ST7L: variants seen among roughly 807,000 people sequenced by gnomAD.
ST7L encodes the protein suppression of tumorigenicity 7 like, also known as suppressor of tumorigenicity 7 protein-like.
ST7L carries 57 observed loss-of-function variants against 72.5 expected under a neutral mutation model. The observed-to-expected ratio is 0.79, with a 90% CI of 0.64 to 0.98. The LOEUF (loss-of-function observed/expected upper bound fraction) is 0.98, where lower values mean the gene tolerates loss of function less well. Ranked by LOEUF, ST7L falls within the 50% of genes least tolerant of loss-of-function variation. The probability of loss-of-function intolerance (pLI) is 0.00; values close to 1 mark genes in which losing one functional copy is unlikely to be tolerated. For missense variants in ST7L, 576 were observed against 672.2 expected, an observed-to-expected ratio of 0.86 and a Z score of 1.58; for synonymous variants, 221 against 240.9, an observed-to-expected ratio of 0.92 and a Z score of 0.77.
intron 4 of ST7L, 38 bp from the exon 5 acceptor site, chr1:112,598,124 G>T: frequency 1.4e-6 from 2 of 1,467,052 alleles, no homozygotes; most frequent in East Asian, 2.3e-5. Flanking sequence ...AATTGAACAT[G>T]AGAGAGCATC....
chr1:112,574,122 G>T (rs1225973032), intron 11 of ST7L, among the ~76,000 whole-genome samples: 1 of 149,354 alleles, frequency 6.7e-6, no homozygotes, highest in African/African-American at 2.5e-5. Context: ...TCACCATGCT[G>T]CCCTGGGTGG....
At chr1:112,561,960 A>C (rs1660229581) in intron 11 of ST7L, among the ~76,000 whole-genome samples, 1 of 149,616 alleles carries the variant, frequency 6.7e-6, no homozygotes, top group South Asian at 2.1e-4. Flanking sequence ...GATGCTTCTA[A>C]AACTTTACTT....
chr1:112,579,380 TA>T (rs34252016), intron 9 of ST7L, among the ~76,000 whole-genome samples: 53,498 of 96,116 alleles, frequency 0.56, 12,682 homozygotes, highest in Middle Eastern at 0.67. Context: ...CGAGACTCTG[TA>T]AAAAAAAAAA....
chr1:112,591,676 G>A (rs1665747840), intron 5 of ST7L, 73 bp from the exon 6 acceptor site: 1 of 1,133,710 alleles, frequency 8.8e-7, no homozygotes, highest in East Asian at 2.5e-5. Context: ...GAATAAGGTA[G>A]TGGAGTAAGC....
intron 9 of ST7L, 103 bp downstream of exon 9, chr1:112,581,889 G>T: frequency 1.2e-6 from 1 of 836,140 alleles, no homozygotes; most frequent in Non-Finnish European, 1.9e-6. Flanking sequence ...ATACTGACTG[G>T]TAAGAACAGA....
chr1:112,611,969 C>CAAA (rs146893029), intron 2 of ST7L, among the ~76,000 whole-genome samples: 12 of 71,538 alleles, frequency 1.7e-4, no homozygotes, highest in South Asian at 1.1e-3. Context: ...GACCCTGTCT[C>CAAA]AAAAAAAAAA....
chr1:112,595,029 T>C (rs566734526), intron 5 of ST7L, among the ~76,000 whole-genome samples: 7 of 152,024 alleles, frequency 4.6e-5, no homozygotes, highest in Non-Finnish European at 8.8e-5. Flanking sequence ...GCAAAACAGA[T>C]ATGTGTTCAA....
At position 112,546,371 on chromosome 1, in the gene ST7L, C is replaced by A. The variant is rs555245815; in HGVS notation, c.1489+4230G>T. ...GAAAAAGTGGGATTGAGATATTATT[C>A]ATTCTGTATTGTCTGCCTGAACTCA... On this transcript the variant is annotated intron_variant, in intron 13 of 14. Transcript: ENST00000358039. Among the ~76,000 whole-genome samples the A allele has an allele frequency of 2.0e-5, 3 of 148,650 alleles. No individual in the cohort carries two copies. The South Asian group carries it at 6.5e-4, about 32-fold the overall frequency.
At chr1:112,521,817 T>A (rs1329888129), downstream of ST7L, 1 of 152,338 alleles carries the variant, frequency 6.6e-6, no homozygotes, top group South Asian at 2.1e-4. Flanking sequence ...CAAAACTTGA[T>A]GTCCTATTTT....
At chr1:112,519,393 T>A (rs900988899), downstream of ST7L, among the ~76,000 whole-genome samples, 5 of 152,206 alleles carry the variant, frequency 3.3e-5, no homozygotes, top group Non-Finnish European at 7.4e-5. Flanking sequence ...CTATTCTCCG[T>A]TTTGAACCTA....
At chr1:112,521,050 G>C (rs1482784389), downstream of ST7L, 1 of 155,574 alleles carries the variant, frequency 6.4e-6, no homozygotes, top group East Asian at 1.9e-4. Flanking sequence ...AGTGGACAAG[G>C]TTCCATTCAC....
In ST7L at chr1:112,538,621, A is replaced by C. The variant is rs1488911780; in HGVS notation, c.1629+3330T>G. Among the ~76,000 whole-genome samples the C allele has an allele frequency of 4.6e-5, 7 of 152,246 alleles. No individual in the cohort carries two copies. In the South Asian group the frequency reaches 8.3e-4, roughly 18 times the overall value. On this transcript the variant is annotated intron_variant, in intron 14 of 14. Transcript: ENST00000358039. ...TGGCCTCCCAAAGTGCTGGGATTAC[A>C]AGCACGAGAGCCATTGCACCTGGCC...
intron 11 of ST7L, among the ~76,000 whole-genome samples, chr1:112,563,314 C>T (rs1256077102): frequency 2.0e-5 from 3 of 152,018 alleles, no homozygotes; most frequent in African/African-American, 7.2e-5. Context: ...GGCAGTTTGG[C>T]AGTTTGAAGA....
At chr1:112,601,580 G>A (rs1015414533) in intron 3 of ST7L, among the ~76,000 whole-genome samples, 2 of 152,136 alleles carry the variant, frequency 1.3e-5, no homozygotes, top group African/African-American at 2.4e-5. Context: ...AAAAAGAAGT[G>A]ATTAAATTTG....
intron 13 of ST7L, 148 bp downstream of exon 13, chr1:112,550,453 T>C: frequency 1.9e-6 from 1 of 514,526 alleles, no homozygotes; most frequent in South Asian, 3.5e-5. Flanking sequence ...ATAAATTGAA[T>C]TATACAACTA....
chr1:112,549,303 G>T (rs1657696926), intron 13 of ST7L, among the ~76,000 whole-genome samples: 1 of 152,168 alleles, frequency 6.6e-6, no homozygotes, highest in African/African-American at 2.4e-5. Flanking sequence ...TGAGGCACAA[G>T]AATCGCCTGA....
chr1:112,571,802 G>A (rs1056899694), intron 11 of ST7L, among the ~76,000 whole-genome samples: 1 of 152,140 alleles, frequency 6.6e-6, no homozygotes, highest in Non-Finnish European at 1.5e-5. Context: ...TGGACATATT[G>A]CAAGTTCACT....
Position 112,600,962 on chromosome 1 carries a change from A to G in ST7L, c.452-114T>C, listed in dbSNP as rs188569622. Reference sequence around the variant, plus strand: ...TCACAGTGCTAGCCACAGATGGTACAAAGATGAATAAAGCATGCTTTCAAA... The same window carrying G: ...TCACAGTGCTAGCCACAGATGGTACGAAGATGAATAAAGCATGCTTTCAAA... On this transcript the variant is annotated intron_variant, in intron 3 of 14. Coordinates refer to ENST00000358039, the MANE Select transcript of ST7L (RefSeq NM_017744.5). 203 of 774,510 alleles carry G rather than the reference A, an allele frequency of 2.6e-4. No homozygotes were observed. In the African/African-American group the frequency reaches 2.8e-3, roughly 11 times the overall value. The allele number at this position is 774,510 out of a possible 1,614,324, so 48.0% of individuals were successfully genotyped here.
chr1:112,577,388 T>C (rs1571133401), intron 10 of ST7L, among the ~76,000 whole-genome samples: 1 of 149,138 alleles, frequency 6.7e-6, no homozygotes, highest in East Asian at 2.0e-4. Flanking sequence ...ATTAGCTGGG[T>C]GTGGTGGTGT....
Sources: gnomAD v4.1 joint callset for allele counts (sites outside exome capture counted in the v4.1 genomes callset) on GRCh38, gnomAD v4.1.1 for gene constraint, MANE v1.5 for transcripts, NCBI Gene and HGNC (gene_info 2026-07-23, HGNC 2026-07-21) for gene names.